IGIP: variants seen among roughly 807,000 people sequenced by gnomAD.
IGIP encodes IgA-inducing protein homolog.
Under a neutral mutation model 3.2 loss-of-function variants are expected in IGIP, and 1 was observed. That is an observed-to-expected ratio of 0.32 (90% CI 0.11 to 1.50). The LOEUF (loss-of-function observed/expected upper bound fraction) is 1.50, where lower values mean the gene tolerates loss of function less well. Ranked by LOEUF, IGIP falls within the 40% of genes most tolerant of loss-of-function variation. The pLI, the probability that IGIP is intolerant of heterozygous loss-of-function variation, is 0.39. For missense variants in IGIP, 64 were observed against 69.0 expected (o/e 0.93, Z 0.26); for synonymous variants, 20 against 22.7 (o/e 0.88, Z 0.34).
chr5:140,128,411 A>G lies in IGIP; in HGVS notation c.-66A>G, dbSNP rs1581040617. On this transcript the variant is annotated 5_prime_UTR_variant, in exon 1 of 1. Coordinates refer to ENST00000333305, the MANE Select transcript of IGIP (RefSeq NM_001007189.2). ...TTGGGGACCCCATTTAAGAATGCTG[A>G]ATTTTGCCAACTAAGAAGTAAGCAA... is the stretch of plus-strand genomic sequence containing the variant. 1 of 1,329,508 alleles carries G rather than the reference A, an allele frequency of 7.5e-7. No individual in the cohort carries two copies. Among genetic ancestry groups the G allele is most frequent in the East Asian group, 2.5e-5 (1 of 40,796 alleles). 82.4% of individuals were successfully genotyped at this position (1,329,508 alleles called of 1,614,324 possible).
rs1763226062 is a variant in IGIP, at chr5:140,127,480, T to C, written c.-997T>C. 6.0e-6 allele frequency: 1 copy of C among 167,046 alleles called. No homozygotes were observed. Among genetic ancestry groups the C allele is most frequent in the Admixed American group, 6.5e-5 (1 of 15,288 alleles). The allele number at this position is 167,046 out of a possible 1,614,324, so 10.3% of individuals were successfully genotyped here. On this transcript the variant is annotated 5_prime_UTR_variant, in exon 1 of 1. Coordinates refer to ENST00000333305, the MANE Select transcript of IGIP (RefSeq NM_001007189.2). ...CTGCTTTAATCTGGGTAACTGAGGC[T>C]AATATGAGCAAGACTTTGGTTAATT...
rs750582610 is a variant in IGIP, at chr5:140,129,368, A to G, written c.*730A>G. On this transcript the variant is annotated 3_prime_UTR_variant, in exon 1 of 1. Transcript: ENST00000333305. ...AATTCCACTCTTAGTTATTTGAAAT[A>G]TATAATAAATTATTTTTAATAGTTG... 1 of 152,202 alleles carries G rather than the reference A, an allele frequency of 6.6e-6. No individual in the cohort carries two copies. The highest frequency in any genetic ancestry group is 1.5e-5 in the Non-Finnish European group (1 of 68,036). The allele number at this position is 152,202 out of a possible 1,614,324, so 9.4% of individuals were successfully genotyped here. A position where few individuals can be genotyped will look rare whatever the true frequency, so the allele number is the denominator to read the frequency against.
Position 140,127,512 on chromosome 5 carries a change from G to T in IGIP, c.-965G>T, listed in dbSNP as rs1484007796. 1 of 166,990 alleles carries T rather than the reference G, an allele frequency of 6.0e-6. No individual in the cohort carries two copies. Among genetic ancestry groups the T allele is most frequent in the Non-Finnish European group, 1.5e-5 (1 of 68,116 alleles). The allele number at this position is 166,990 out of a possible 1,614,324, so 10.3% of individuals were successfully genotyped here. A position where few individuals can be genotyped will look rare whatever the true frequency, so the allele number is the denominator to read the frequency against. On this transcript the variant is annotated 5_prime_UTR_variant, in exon 1 of 1. Transcript: ENST00000333305. ...AGCAAGACTTTGGTTAATTAACTGG[G>T]TTCTCAGATGCCACAGACTCCGTGA...
rs1160409455 is a variant in IGIP at position 140,126,989 on chromosome 5, C to T, written c.-1488C>T. On this transcript the variant is annotated 5_prime_UTR_variant, in exon 1 of 1. Transcript: ENST00000333305. ...GGAGGCCCAGAGCACACATCCTAAT[C>T]GCTAGCGGTACTCAGAGAGGGGGTG... The T allele has an allele frequency of 1.2e-5, 2 of 167,060 alleles. No individual in the cohort carries two copies. Among genetic ancestry groups the T allele is most frequent in the South Asian group, 2.1e-4 (1 of 4,836 alleles). The allele number at this position is 167,060 out of a possible 1,614,324, so 10.3% of individuals were successfully genotyped here. A position where few individuals can be genotyped will look rare whatever the true frequency, so the allele number is the denominator to read the frequency against.
Position 140,128,136 on chromosome 5 carries a change from T to C in IGIP, c.-341T>C, listed in dbSNP as rs191538162. On this transcript the variant is annotated 5_prime_UTR_variant, in exon 1 of 1. Coordinates refer to ENST00000333305, the MANE Select transcript of IGIP (RefSeq NM_001007189.2). ...TAATCTTGAAATTTCTAATCAAGTT[T>C]GTAAAATTTTTATAGTGAAACATTT... 1.5e-3 allele frequency: 288 copies of C among 189,772 alleles called. 2 individuals are homozygous for C. The highest frequency in any genetic ancestry group is 2.5e-3 in the Non-Finnish European group (209 of 83,740). 11.8% of individuals were successfully genotyped at this position (189,772 alleles called of 1,614,324 possible). A position where few individuals can be genotyped will look rare whatever the true frequency, so the allele number is the denominator to read the frequency against.
At position 140,128,707 on chromosome 5, in the gene IGIP, A is replaced by G. The variant is rs1763240913; in HGVS notation, c.*69A>G. 1.3e-5 allele frequency: 16 copies of G among 1,268,778 alleles called. No homozygotes were observed. The highest frequency in any genetic ancestry group is 1.6e-5 in the Non-Finnish European group (14 of 894,088). The allele number at this position is 1,268,778 out of a possible 1,614,324, so 78.6% of individuals were successfully genotyped here. The stretch of plus-strand genomic sequence containing the variant: ...TATTTTAGGCATTGATTCTTACAAA[A>G]TATATACTGTAACAGTATACTTTGT... On this transcript the variant is annotated 3_prime_UTR_variant, in exon 1 of 1. Transcript: ENST00000333305.
rs1763220657 is a variant in IGIP, at chr5:140,126,979, A to C, written c.-1498A>C. 6.0e-6 allele frequency: 1 copy of C among 167,116 alleles called. No homozygotes were observed. Among genetic ancestry groups the C allele is most frequent in the Non-Finnish European group, 1.5e-5 (1 of 68,130 alleles). The allele number at this position is 167,116 out of a possible 1,614,324, so 10.4% of individuals were successfully genotyped here. A position where few individuals can be genotyped will look rare whatever the true frequency, so the allele number is the denominator to read the frequency against. The stretch of plus-strand genomic sequence containing the variant: ...CTCTTTTAGAGGAGGCCCAGAGCAC[A>C]CATCCTAATCGCTAGCGGTACTCAG... On this transcript the variant is annotated 5_prime_UTR_variant, in exon 1 of 1. Coordinates refer to ENST00000333305, the MANE Select transcript of IGIP (RefSeq NM_001007189.2).
rs1050952866 is a variant in IGIP at position 140,127,615 on chromosome 5, C to T, written c.-862C>T. 3 of 166,914 alleles carry T rather than the reference C, an allele frequency of 1.8e-5. No individual in the cohort carries two copies. Among genetic ancestry groups the T allele is most frequent in the African/African-American group, 7.2e-5 (3 of 41,404 alleles). 10.3% of individuals were successfully genotyped at this position (166,914 alleles called of 1,614,324 possible). A position where few individuals can be genotyped will look rare whatever the true frequency, so the allele number is the denominator to read the frequency against. ...ATTTTAAGATTATATTGCAGAGTTG[C>T]TTTATTTTGAGCTTTTTGTGTATAC... On this transcript the variant is annotated 5_prime_UTR_variant, in exon 1 of 1. Coordinates refer to ENST00000333305, the MANE Select transcript of IGIP (RefSeq NM_001007189.2).
Position 140,127,956 on chromosome 5 carries a change from C to T in IGIP, c.-521C>T, listed in dbSNP as rs1360807902. 1 of 165,848 alleles carries T rather than the reference C, an allele frequency of 6.0e-6. No individual in the cohort carries two copies. The highest frequency in any genetic ancestry group is 1.5e-5 in the Non-Finnish European group (1 of 68,172). The allele number at this position is 165,848 out of a possible 1,614,324, so 10.3% of individuals were successfully genotyped here. ...AGACAATTCTTTTCATTGAAATATACTGTGTATTTACACTTGCTAGACCCA... is the reference window on the plus strand; with the variant it reads ...AGACAATTCTTTTCATTGAAATATATTGTGTATTTACACTTGCTAGACCCA... On this transcript the variant is annotated 5_prime_UTR_variant, in exon 1 of 1. Transcript: ENST00000333305.
Position 140,127,241 on chromosome 5 carries a change from G to A in IGIP, c.-1236G>A, listed in dbSNP as rs1763223497. ...CAAGAGTTGAGGAATGGGTGAGCTT[G>A]GTGTCAGAGCACTGTGTGGTTGGAG... On this transcript the variant is annotated 5_prime_UTR_variant, in exon 1 of 1. Transcript: ENST00000333305. 1 of 167,240 alleles carries A rather than the reference G, an allele frequency of 6.0e-6. No homozygotes were observed. Among genetic ancestry groups the A allele is most frequent in the Admixed American group, 6.5e-5 (1 of 15,292 alleles). The allele number at this position is 167,240 out of a possible 1,614,324, so 10.4% of individuals were successfully genotyped here.
rs1279761484 is a variant in IGIP, at chr5:140,129,142, G to C, written c.*504G>C. 3 of 152,296 alleles carry C rather than the reference G, an allele frequency of 2.0e-5. No homozygotes were observed. The allele number at this position is 152,296 out of a possible 1,614,324, so 9.4% of individuals were successfully genotyped here. ...AGGGAAACCTTTTCCCAAAGATCAT[G>C]CTCCATTCTCATGGAAGGTTTTTTG... On this transcript the variant is annotated 3_prime_UTR_variant, in exon 1 of 1. Transcript: ENST00000333305.
In IGIP at chr5:140,126,937, T is replaced by A. The variant is rs556549041; in HGVS notation, c.-1540T>A. 1 of 167,212 alleles carries A rather than the reference T, an allele frequency of 6.0e-6. No homozygotes were observed. Among genetic ancestry groups the A allele is most frequent in the Non-Finnish European group, 1.5e-5 (1 of 68,094 alleles). 10.4% of individuals were successfully genotyped at this position (167,212 alleles called of 1,614,324 possible). A position where few individuals can be genotyped will look rare whatever the true frequency, so the allele number is the denominator to read the frequency against. ...ACTGAACTAATGTCCCATACTGTGT[T>A]ACTTACTGTAGATGCTCTCTTTTAG... On this transcript the variant is annotated 5_prime_UTR_variant, in exon 1 of 1. The change creates a premature stop within an existing upstream ORF in the 5' untranslated region. Transcript: ENST00000333305.
chr5:140,128,302 G>A lies in IGIP; in HGVS notation c.-175G>A, dbSNP rs1763235006. The stretch of plus-strand genomic sequence containing the variant: ...TATATTAGTTAAAATTTAGGACTAA[G>A]TTGTTGATATTCTTTGAGTTTACAA... On this transcript the variant is annotated 5_prime_UTR_variant, in exon 1 of 1. Transcript: ENST00000333305. 9.6e-6 allele frequency: 5 copies of A among 522,976 alleles called. No individual in the cohort carries two copies. 32.4% of individuals were successfully genotyped at this position (522,976 alleles called of 1,614,324 possible). A position where few individuals can be genotyped will look rare whatever the true frequency, so the allele number is the denominator to read the frequency against.
rs1257256058 is a variant in IGIP, at chr5:140,126,603, C to G, written c.-1874C>G. On this transcript the variant is annotated 5_prime_UTR_variant, in exon 1 of 1. Transcript: ENST00000333305. ...TAAGGTTCTGACAAAATAACCTTGG[C>G]TGATGTGGGAAGACTCCCACTTTGA... 2 of 167,082 alleles carry G rather than the reference C, an allele frequency of 1.2e-5. No individual in the cohort carries two copies. Among genetic ancestry groups the G allele is most frequent in the African/African-American group, 2.4e-5 (1 of 41,436 alleles). The allele number at this position is 167,082 out of a possible 1,614,324, so 10.3% of individuals were successfully genotyped here. A position where few individuals can be genotyped will look rare whatever the true frequency, so the allele number is the denominator to read the frequency against.
rs1713218364 is a variant in IGIP at position 140,128,220 on chromosome 5, A to T, written c.-257A>T. Reference sequence around the variant, plus strand: ...AATGGTCAAAACAATATCCTTTCAGAAATAGAATTGTTCTTTAATATCTTT... The same window carrying T: ...AATGGTCAAAACAATATCCTTTCAGTAATAGAATTGTTCTTTAATATCTTT... On this transcript the variant is annotated 5_prime_UTR_variant, in exon 1 of 1. An upstream open reading frame in the 5' UTR gains an earlier in-frame stop. Coordinates refer to ENST00000333305, the MANE Select transcript of IGIP (RefSeq NM_001007189.2). 1 of 310,734 alleles carries T rather than the reference A, an allele frequency of 3.2e-6. No homozygotes were observed. Among genetic ancestry groups the T allele is most frequent in the African/African-American group, 2.2e-5 (1 of 45,698 alleles). 19.2% of individuals were successfully genotyped at this position (310,734 alleles called of 1,614,324 possible).
Position 140,128,317 on chromosome 5 carries a change from T to C in IGIP, c.-160T>C. 1 of 538,846 alleles carries C rather than the reference T, an allele frequency of 1.9e-6. No individual in the cohort carries two copies. The allele number at this position is 538,846 out of a possible 1,614,324, so 33.4% of individuals were successfully genotyped here. A position where few individuals can be genotyped will look rare whatever the true frequency, so the allele number is the denominator to read the frequency against. Reference sequence around the variant, plus strand: ...TTAGGACTAAGTTGTTGATATTCTTTGAGTTTACAAGTTAATCCTTATTGG... The same window carrying C: ...TTAGGACTAAGTTGTTGATATTCTTCGAGTTTACAAGTTAATCCTTATTGG... On this transcript the variant is annotated 5_prime_UTR_variant, in exon 1 of 1. Transcript: ENST00000333305.
chr5:140,128,596 G>A lies in IGIP; in HGVS notation c.120G>A (p.Val40=). ...GKSPCGNQAN[V]LCISRLEFVQ... ...CACCATGTGGAAACCAAGCAAACGT[G>A]TTGTGCATCAGCCGGCTTGAGTTTG... Residue 40 remains valine (V), a synonymous_variant, in exon 1 of 1, where the codon GTG becomes GTA. Coordinates refer to ENST00000333305, the MANE Select transcript of IGIP (RefSeq NM_001007189.2). 9 of 1,612,812 alleles carry A rather than the reference G, an allele frequency of 5.6e-6. No homozygotes were observed. The highest frequency in any genetic ancestry group is 1.1e-5 in the South Asian group (1 of 90,664).
rs1277703835 is a variant in IGIP at position 140,127,107 on chromosome 5, T to G, written c.-1370T>G. On this transcript the variant is annotated 5_prime_UTR_variant, in exon 1 of 1. Coordinates refer to ENST00000333305, the MANE Select transcript of IGIP (RefSeq NM_001007189.2). ...AAATGTGCATCACTTCCCATTTTTC[T>G]TACTGATCTCAGTGCAAACTACACT... is the stretch of plus-strand genomic sequence containing the variant. 1.8e-5 allele frequency: 3 copies of G among 167,052 alleles called. No homozygotes were observed. 10.3% of individuals were successfully genotyped at this position (167,052 alleles called of 1,614,324 possible). A position where few individuals can be genotyped will look rare whatever the true frequency, so the allele number is the denominator to read the frequency against.
chr5:140,126,184 C>T lies in IGIP; in HGVS notation c.-2293C>T, dbSNP rs1479632606. 6.0e-6 allele frequency: 1 copy of T among 166,962 alleles called. No individual in the cohort carries two copies. Among genetic ancestry groups the T allele is most frequent in the Non-Finnish European group, 1.5e-5 (1 of 68,084 alleles). 10.3% of individuals were successfully genotyped at this position (166,962 alleles called of 1,614,324 possible). ...AATCTTCCTCTGTGGGAAGATTAACCATGTATTGAACTACTGAAAAGTATA... is the reference window on the plus strand; with the variant it reads ...AATCTTCCTCTGTGGGAAGATTAACTATGTATTGAACTACTGAAAAGTATA... On this transcript the variant is annotated 5_prime_UTR_variant, in exon 1 of 1. Transcript: ENST00000333305.
Sources: gnomAD v4.1 joint callset for allele counts on GRCh38, gnomAD v4.1.1 for gene constraint, MANE v1.5 for transcripts, NCBI Gene and HGNC (gene_info 2026-07-23, HGNC 2026-07-21) for gene names.